The following HAUS3 variants were observed in gnomAD, a reference collection of about 807,000 sequenced individuals.
HAUS3 encodes HAUS augmin like complex subunit 3, also known as HAUS augmin-like complex subunit 3.
HAUS3 carries 36 observed loss-of-function variants against 55.2 expected under a neutral mutation model. The ratio of observed to expected loss-of-function variants is 0.65; its 90% CI spans 0.50 to 0.86. The LOEUF (loss-of-function observed/expected upper bound fraction) is 0.86. Among genes scored for constraint, HAUS3 ranks in the 40% least tolerant of loss-of-function variants. The pLI, the probability that HAUS3 is intolerant of heterozygous loss-of-function variation, is 0.00. For synonymous variants in HAUS3, 234 were observed against 238.6 expected, an observed-to-expected ratio of 0.98 and a Z score of 0.18; for missense variants, 752 against 671.5, an observed-to-expected ratio of 1.12 and a Z score of -1.33.
intron 1 of HAUS3, 68 bp downstream of exon 1, chr4:2,241,983 G>A: frequency 2.0e-6 from 2 of 985,578 alleles, no homozygotes; most frequent in African/African-American, 1.7e-5. Flanking sequence ...CCTGGGTGCA[G>A]ACGGGGATCG....
chr4:2,231,886 TAA>T lies in HAUS3; in HGVS notation c.*39_*40del, dbSNP rs1286412269. 1.2e-5 allele frequency: 10 copies of T among 869,322 alleles called. No individual in the cohort carries two copies. The highest frequency in any genetic ancestry group is 1.1e-4 in the Admixed American group (4 of 37,202). 53.9% of individuals were successfully genotyped at this position (869,322 alleles called of 1,614,324 possible). ...TTATTATACACAGTCTTCTAATAAA[TAA>T]AAGAGGACACGTAATAAAGATTCAG... On this transcript the variant is annotated 3_prime_UTR_variant, in exon 6 of 6. Coordinates refer to ENST00000443786, the MANE Select transcript of HAUS3 (RefSeq NM_001303143.2).
At position 2,229,224 on chromosome 4, in the gene HAUS3, T is replaced by C. The variant is rs1022805134; in HGVS notation, c.*2703A>G. 5.6e-6 allele frequency: 9 copies of C among 1,596,720 alleles called. No homozygotes were observed. The highest frequency in any genetic ancestry group is 1.8e-5 in the Admixed American group (1 of 55,914). On this transcript the variant is annotated 3_prime_UTR_variant, in exon 6 of 6. Coordinates refer to ENST00000443786, the MANE Select transcript of HAUS3 (RefSeq NM_001303143.2). ...ATCAAAGCCTACCAATGCCTCATAA[T>C]TTTCCATTTTCACAAAATCCTAAAT...
Position 2,231,688 on chromosome 4 carries a change from T to G in HAUS3, c.*239A>C. ...TATTTGCATTATGTAATAATGCTTT[T>G]TCCCTGTAAGTAAAAAATTACCAGG... On this transcript the variant is annotated 3_prime_UTR_variant, in exon 6 of 6. Transcript: ENST00000443786. 3.3e-6 allele frequency: 1 copy of G among 303,464 alleles called. No individual in the cohort carries two copies. Among genetic ancestry groups the G allele is most frequent in the East Asian group, 6.3e-5 (1 of 15,812 alleles). 18.8% of individuals were successfully genotyped at this position (303,464 alleles called of 1,614,324 possible).
At position 2,238,697 on chromosome 4, in the gene HAUS3, A is replaced by G. The variant is rs1277974509; in HGVS notation, c.1256T>C (p.Leu419Pro). The change falls in exon 4 of 6, where the codon CTC becomes CCC. Residue 419 changes from leucine (L) to proline (P), a missense_variant. By Grantham distance (98) the Leu-to-Pro change is moderately conservative (BLOSUM62 -3). Transcript: ENST00000443786. ...TGTTAACATTTCTAATTGCTTGTAGAGCATCATGTTACTTTGACTAAGTTC... is the reference window on the plus strand; with the variant it reads ...TGTTAACATTTCTAATTGCTTGTAGGGCATCATGTTACTTTGACTAAGTTC... ...VQELSQSNMM[L>P]YKQLEMLTDP... is the part of the protein sequence containing the mutation. 1 of 1,613,108 alleles carries G rather than the reference A, an allele frequency of 6.2e-7. No homozygotes were observed.
At chr4:2,238,445 G>GA (rs35945583) in intron 4 of HAUS3, among the ~76,000 whole-genome samples, 159 bp downstream of exon 4, 1,390 of 137,512 alleles carry the variant, frequency 0.01, 13 homozygotes, top group Non-Finnish European at 0.017. Context: ...AACTAAAAAT[G>GA]AAAAAAAAAA....
chr4:2,240,736 T>C lies in HAUS3; in HGVS notation c.211A>G (p.Ile71Val), dbSNP rs994629024. 21 of 1,614,058 alleles carry C rather than the reference T, an allele frequency of 1.3e-5. No individual in the cohort carries two copies. The highest frequency in any genetic ancestry group is 3.3e-5 in the Admixed American group (2 of 59,996). ...FSILQKSGKP[I>V]LEGAALDEAL... ...TCATCCAATGCCGCCCCTTCTAGAA[T>C]AGGCTTGCCTGATTTCTGAAGAATG... The change falls in exon 3 of 6, where the codon ATT (isoleucine) becomes GTT (valine). Residue 71 changes from isoleucine to valine, a missense_variant. Transcript: ENST00000443786.
At position 2,240,391 on chromosome 4, in the gene HAUS3, C is replaced by A. The variant is rs759453196; in HGVS notation, c.556G>T (p.Gly186Cys). ...LMMFFRHSNLGQGTNPLVFLS... is the reference protein window; with the variant it reads ...LMMFFRHSNLCQGTNPLVFLS... ...AATACCAGTGGATTTGTCCCTTGAC[C>A]TAAATTAGAATGTCTGAAGAACATC... The change falls in exon 3 of 6, where the codon GGT (glycine) becomes TGT (cysteine). Residue 186 changes from glycine to cysteine, a missense_variant. By Grantham distance (159) the Gly-to-Cys change is radical. Coordinates refer to ENST00000443786, the MANE Select transcript of HAUS3 (RefSeq NM_001303143.2). 1.9e-6 allele frequency: 3 copies of A among 1,610,910 alleles called. No individual in the cohort carries two copies. The African/African-American group carries it at 4.0e-5, about 22-fold the overall frequency.
Position 2,228,993 on chromosome 4 carries a change from A to T in HAUS3, c.*2934T>A, listed in dbSNP as rs560558272. On this transcript the variant is annotated 3_prime_UTR_variant, in exon 6 of 6. Coordinates refer to ENST00000443786, the MANE Select transcript of HAUS3 (RefSeq NM_001303143.2). ...ACTGAATGAGTGTAAAAGGGGCGGG[A>T]GCTGGGCTTCATCTGTCTACATGCA... The T allele has an allele frequency of 2.1e-5, 24 of 1,121,370 alleles. No individual in the cohort carries two copies. Among genetic ancestry groups the T allele is most frequent in the Non-Finnish European group, 6.3e-6 (5 of 792,534 alleles). 69.5% of individuals were successfully genotyped at this position (1,121,370 alleles called of 1,614,324 possible). A position where few individuals can be genotyped will look rare whatever the true frequency, so the allele number is the denominator to read the frequency against.
In HAUS3 at chr4:2,231,979, A is replaced by G. The variant is rs1164965491; in HGVS notation, c.1760T>C (p.Val587Ala). Residue 587 changes from valine (V) to alanine (A), a missense_variant, in exon 6 of 6, where the codon GTG (valine) becomes GCG (alanine). Val to Ala is a moderately conservative substitution (Grantham distance 64). Transcript: ENST00000443786. ...LKDEDYLKDI[V>A]ENLETQSKIK... ...CTTTGATTGAGTTTCTAAATTCTCC[A>G]CAATATCTTTCAGATAATCTTCATC... 7 of 1,484,016 alleles carry G rather than the reference A, an allele frequency of 4.7e-6. No individual in the cohort carries two copies. The East Asian group carries it at 1.6e-4, about 34-fold the overall frequency. The allele number at this position is 1,484,016 out of a possible 1,614,324, so 91.9% of individuals were successfully genotyped here. A position where few individuals can be genotyped will look rare whatever the true frequency, so the allele number is the denominator to read the frequency against.
chr4:2,229,225 T>G lies in HAUS3; in HGVS notation c.*2702A>C. 6.3e-7 allele frequency: 1 copy of G among 1,597,048 alleles called. No individual in the cohort carries two copies. Among genetic ancestry groups the G allele is most frequent in the African/African-American group, 1.3e-5 (1 of 74,086 alleles). ...TCAAAGCCTACCAATGCCTCATAATTTTCCATTTTCACAAAATCCTAAATG... is the reference window on the plus strand; with the variant it reads ...TCAAAGCCTACCAATGCCTCATAATGTTCCATTTTCACAAAATCCTAAATG... On this transcript the variant is annotated 3_prime_UTR_variant, in exon 6 of 6. Coordinates refer to ENST00000443786, the MANE Select transcript of HAUS3 (RefSeq NM_001303143.2).
Position 2,240,823 on chromosome 4 carries a change from A to T in HAUS3, c.124T>A (p.Trp42Arg). ...EGVEDESFLK[W>R]FCGNVNEQNV... ...TGTTCATTCACATTCCCACAAAACC[A>T]CTTCAGAAACGATTCATCTTCAACG... Residue 42 changes from tryptophan (W) to arginine (R), a missense_variant, in exon 3 of 6, where the codon TGG (tryptophan) becomes AGG (arginine). Physicochemically the swap from Trp to Arg is moderately radical, Grantham distance 101 (BLOSUM62 -3). Transcript: ENST00000443786. The T allele has an allele frequency of 6.2e-7, 1 of 1,613,776 alleles. No individual in the cohort carries two copies.
chr4:2,236,877 A>T (rs904334349), intron 4 of HAUS3, among the ~76,000 whole-genome samples: 4 of 149,138 alleles, frequency 2.7e-5, no homozygotes, highest in East Asian at 1.9e-4. Context: ...TAATAATAAT[A>T]ATAATTATAA....
chr4:2,232,391 G>C lies in HAUS3; in HGVS notation c.1579-231C>G, dbSNP rs73796988. Reference sequence around the variant, plus strand: ...TTTAAGTGATTCAAAGGAAACTCTTGCTGAAGTGTACTCGATATGTAAGCT... The same window carrying C: ...TTTAAGTGATTCAAAGGAAACTCTTCCTGAAGTGTACTCGATATGTAAGCT... On this transcript the variant is annotated intron_variant, in intron 5 of 5. Coordinates refer to ENST00000443786, the MANE Select transcript of HAUS3 (RefSeq NM_001303143.2). Among the ~76,000 whole-genome samples the C allele has an allele frequency of 4.2e-3, 646 of 152,246 alleles. 5 individuals are homozygous for C. Among genetic ancestry groups the C allele is most frequent in the African/African-American group, 0.015 (608 of 41,556 alleles).
chr4:2,234,377 G>C (rs1734684302), intron 5 of HAUS3: 2 of 152,582 alleles, frequency 1.3e-5, no homozygotes, highest in African/African-American at 4.8e-5. Flanking sequence ...CTCCAAGACG[G>C]CAATGACTGC....
chr4:2,235,515 G>A (rs1734729445), intron 5 of HAUS3, among the ~76,000 whole-genome samples: 1 of 152,134 alleles, frequency 6.6e-6, no homozygotes, highest in Non-Finnish European at 1.5e-5. Flanking sequence ...TTTCATTGTG[G>A]AATATCATAT....
rs376449515 is a variant in HAUS3, at chr4:2,230,456, GA to G, written c.*1470del. The G allele has an allele frequency of 1.3e-5, 2 of 151,728 alleles. No individual in the cohort carries two copies. The highest frequency in any genetic ancestry group is 4.8e-5 in the African/African-American group (2 of 41,264). The allele number at this position is 151,728 out of a possible 1,614,324, so 9.4% of individuals were successfully genotyped here. On this transcript the variant is annotated 3_prime_UTR_variant, in exon 6 of 6. Coordinates refer to ENST00000443786, the MANE Select transcript of HAUS3 (RefSeq NM_001303143.2). ...AAATTCTCTATTCCGAAATAGAATA[GA>G]AAAAAACATATACAACAAAAAAAAA...
At position 2,229,481 on chromosome 4, in the gene HAUS3, T is replaced by G. The variant is rs1734499739; in HGVS notation, c.*2446A>C. 2 of 319,412 alleles carry G rather than the reference T, an allele frequency of 6.3e-6. No homozygotes were observed. Among genetic ancestry groups the G allele is most frequent in the Admixed American group, 9.8e-5 (2 of 20,386 alleles). 19.8% of individuals were successfully genotyped at this position (319,412 alleles called of 1,614,324 possible). On this transcript the variant is annotated 3_prime_UTR_variant, in exon 6 of 6. Coordinates refer to ENST00000443786, the MANE Select transcript of HAUS3 (RefSeq NM_001303143.2). ...GATAACTTATTTTCTAGGTGACCAA[T>G]TTAGAAGCAATCTACTCAAATACAT... is the stretch of plus-strand genomic sequence containing the variant.
rs766137666 is a variant in HAUS3 at position 2,238,837 on chromosome 4, T to C, written c.1116A>G (p.Leu372=). 6.2e-7 allele frequency: 1 copy of C among 1,612,902 alleles called. No homozygotes were observed. Among genetic ancestry groups the C allele is most frequent in the Non-Finnish European group, 8.5e-7 (1 of 1,179,092 alleles). The part of the protein sequence containing the change: ...KQDYYTARQE[L]VLNQLIKQKA... ...TTTGTTTTATTAATTGATTTAAAACTAACTCTTGTCTTGCTGTATAATAAT... is the reference window on the plus strand; with the variant it reads ...TTTGTTTTATTAATTGATTTAAAACCAACTCTTGTCTTGCTGTATAATAAT... Residue 372 remains leucine, a synonymous_variant, in exon 4 of 6, where the codon TTA becomes TTG. Coordinates refer to ENST00000443786, the MANE Select transcript of HAUS3 (RefSeq NM_001303143.2).
Position 2,240,438 on chromosome 4 carries a change from G to A in HAUS3, c.509C>T (p.Thr170Ile). 1.2e-6 allele frequency: 2 copies of A among 1,613,894 alleles called. No homozygotes were observed. The highest frequency in any genetic ancestry group is 1.7e-6 in the Non-Finnish European group (2 of 1,179,906). The change falls in exon 3 of 6, where the codon ACT becomes ATT. Residue 170 changes from threonine to isoleucine, a missense_variant. Transcript: ENST00000443786. The stretch of plus-strand genomic sequence containing the variant: ...CATCATCAATTGTGTAACTTCATCA[G>A]TAAGAGCCTGAAGTTCATTACTGAT... Reference protein sequence around the residue: ...TKISNELQALTDEVTQLMMFF... With the variant: ...TKISNELQALIDEVTQLMMFF...
Sources: gnomAD v4.1 joint callset for allele counts (sites outside exome capture counted in the v4.1 genomes callset) on GRCh38, gnomAD v4.1.1 for gene constraint, MANE v1.5 for transcripts, NCBI Gene and HGNC (gene_info 2026-07-23, HGNC 2026-07-21) for gene names.